The following DENND10 variants were observed in gnomAD, a reference collection of about 807,000 sequenced individuals.
DENND10 encodes DENN domain containing 10.
A neutral mutation model predicts 43.6 loss-of-function variants in DENND10; 24 were observed. The observed-to-expected ratio is 0.55, with a 90% CI of 0.40 to 0.77. The LOEUF (loss-of-function observed/expected upper bound fraction) is 0.77. DENND10 is among the 30% of genes least tolerant of loss of function. The probability of loss-of-function intolerance (pLI) is 0.00; values close to 1 mark genes in which losing one functional copy is unlikely to be tolerated. For synonymous variants in DENND10, 125 were observed against 157.6 expected (o/e 0.79, Z 1.55); for missense variants, 303 against 429.9 (o/e 0.70, Z 2.61).
intron 3 of DENND10, chr10:119,114,088 G>A (rs767189660): frequency 6.6e-6 from 1 of 152,192 alleles, no homozygotes; most frequent in African/African-American, 2.4e-5. Context: ...CCCAGAAGGA[G>A]GCCCAGAGGG....
chr10:119,121,628 T>C (rs1394159343), intron 5 of DENND10, among the ~76,000 whole-genome samples: 3 of 151,622 alleles, frequency 2.0e-5, no homozygotes, highest in Non-Finnish European at 4.4e-5. Flanking sequence ...CTAATTTTTG[T>C]ATTTTTAGTA....
chr10:119,123,690 A>T lies in DENND10; in HGVS notation c.694+121A>T. Reference sequence around the variant, plus strand: ...AATGGCACGATCTTAGCTCACCGCAACGTCCGCCTTCAATTCTCCTGCCTT... The same window carrying T: ...AATGGCACGATCTTAGCTCACCGCATCGTCCGCCTTCAATTCTCCTGCCTT... On this transcript the variant is annotated intron_variant, in intron 6 of 8. Coordinates refer to ENST00000361432, the MANE Select transcript of DENND10 (RefSeq NM_207009.4). The T allele has an allele frequency of 8.2e-6, 6 of 735,072 alleles. 1 individual carries two copies. In the South Asian group the frequency reaches 8.3e-5, roughly 10 times the overall value. The allele number at this position is 735,072 out of a possible 1,614,324, so 45.5% of individuals were successfully genotyped here. A position where few individuals can be genotyped will look rare whatever the true frequency, so the allele number is the denominator to read the frequency against.
intron 6 of DENND10, among the ~76,000 whole-genome samples, chr10:119,126,070 C>T (rs897616148): frequency 7.2e-5 from 11 of 152,104 alleles, no homozygotes; most frequent in African/African-American, 2.2e-4. Flanking sequence ...TCTTTCTGTC[C>T]GTGGCTTCTT....
rs1845353757 is a variant in DENND10, at chr10:119,117,620, G to A, written c.434G>A (p.Ser145Asn). The change falls in exon 4 of 9, where the codon AGT becomes AAT. Residue 145 changes from serine (S) to asparagine (N), a missense_variant. By Grantham distance (46) the Ser-to-Asn change is conservative. Coordinates refer to ENST00000361432, the MANE Select transcript of DENND10 (RefSeq NM_207009.4). ...CQSEENGSFLSKDFDARKAYL... is the reference protein window; with the variant it reads ...CQSEENGSFLNKDFDARKAYL... ...AGTGAAGAAAACGGCTCTTTCCTTA[G>A]TAAGGATTTTGATGCCCGAAAGGCC... The A allele has an allele frequency of 6.2e-7, 1 of 1,613,962 alleles. No individual in the cohort carries two copies. Among genetic ancestry groups the A allele is most frequent in the African/African-American group, 1.3e-5 (1 of 74,910 alleles).
At chr10:119,135,791 T>TAAAAAAAAAGAAAAAAAAAAAAAA (rs1554883519) in intron 8 of DENND10, among the ~76,000 whole-genome samples, 1 of 64,008 alleles carries the variant, frequency 1.6e-5, no homozygotes, top group Non-Finnish European at 2.8e-5. Context: ...ACTAAAATTG[T>TAAAAAAAAAGAAAAAAAAAAAAAA]AAAAAAAAAA....
At chr10:119,110,576 C>T (rs1236674079) in intron 2 of DENND10, among the ~76,000 whole-genome samples, 1 of 152,110 alleles carries the variant, frequency 6.6e-6, no homozygotes, top group Non-Finnish European at 1.5e-5. Context: ...CCTGCCTCAG[C>T]CTCCCGAGTA....
intron 1 of DENND10, among the ~76,000 whole-genome samples, chr10:119,106,373 C>A (rs755927240): frequency 6.6e-6 from 1 of 152,116 alleles, no homozygotes; most frequent in Non-Finnish European, 1.5e-5. Context: ...GAGACAGGGT[C>A]TCTCTCTGTT....
chr10:119,105,566 C>T (rs1844653500), intron 1 of DENND10: 3 of 1,076,714 alleles, frequency 2.8e-6, no homozygotes, highest in Non-Finnish European at 3.5e-6. Flanking sequence ...AACTTAGTTT[C>T]TCCAGAAGGT....
intron 7 of DENND10, among the ~76,000 whole-genome samples, chr10:119,131,920 G>C (rs903207557): frequency 4.6e-5 from 7 of 152,192 alleles, no homozygotes; most frequent in Non-Finnish European, 7.3e-5. Flanking sequence ...CTATAAAAAT[G>C]GGCTCATCCT....
Position 119,105,521 on chromosome 10 carries a change from GT to G in DENND10, c.55+1325del, listed in dbSNP as rs1311781738. 4.3e-6 allele frequency: 5 copies of G among 1,166,890 alleles called. No homozygotes were observed. The African/African-American group carries it at 8.1e-5, about 19-fold the overall frequency. 72.3% of individuals were successfully genotyped at this position (1,166,890 alleles called of 1,614,324 possible). A position where few individuals can be genotyped will look rare whatever the true frequency, so the allele number is the denominator to read the frequency against. ...GTGGATTACTGTATTTATTTCTAAT[GT>G]GATTTTCAAACTGCTTCAAAACAAA... On this transcript the variant is annotated intron_variant, in intron 1 of 8. Transcript: ENST00000361432.
chr10:119,116,293 G>A (rs1357163420), intron 3 of DENND10, among the ~76,000 whole-genome samples: 4 of 152,118 alleles, frequency 2.6e-5, no homozygotes, highest in African/African-American at 9.7e-5. Context: ...AATGTCTAAT[G>A]TGCATTTATC....
intron 6 of DENND10, among the ~76,000 whole-genome samples, chr10:119,125,501 C>CTTTTTTTTTTTTTTTTTTTT (rs34630434): frequency 1.5e-5 from 1 of 65,848 alleles, no homozygotes; most frequent in Non-Finnish European, 2.8e-5. Context: ...TTCTAGTTTT[C>CTTTTTTTTTTTTTTTTTTTT]TTTTTTTTTT....
chr10:119,124,404 G>A (rs959503446), intron 6 of DENND10, among the ~76,000 whole-genome samples: 1 of 149,526 alleles, frequency 6.7e-6, no homozygotes, highest in Non-Finnish European at 1.5e-5. Context: ...AGCCGGGTGT[G>A]GTGGTGGGTG....
Position 119,117,740 on chromosome 10 carries a change from G to A in DENND10, c.481+73G>A, listed in dbSNP as rs1845363156. On this transcript the variant is annotated intron_variant, in intron 4 of 8. Transcript: ENST00000361432. ...CCCAACACTTTGGGAGGCCAAGGCGGGTGGATCACGAGGTCAGGAGATCGA... is the reference window on the plus strand; with the variant it reads ...CCCAACACTTTGGGAGGCCAAGGCGAGTGGATCACGAGGTCAGGAGATCGA... 9 of 1,437,328 alleles carry A rather than the reference G, an allele frequency of 6.3e-6. No individual in the cohort carries two copies. In the South Asian group the frequency reaches 8.5e-5, roughly 14 times the overall value. The allele number at this position is 1,437,328 out of a possible 1,614,324, so 89.0% of individuals were successfully genotyped here. A position where few individuals can be genotyped will look rare whatever the true frequency, so the allele number is the denominator to read the frequency against.
chr10:119,108,173 G>T lies in DENND10; in HGVS notation c.252+9G>T. On this transcript the variant is annotated intron_variant, in intron 2 of 8. Coordinates refer to ENST00000361432, the MANE Select transcript of DENND10 (RefSeq NM_207009.4). ...CTTCCATTTTGAAAAAGGTATGATT[G>T]CGTGAAGGTAAAAAAAAAACCCCAA... 8.2e-6 allele frequency: 13 copies of T among 1,593,066 alleles called. No individual in the cohort carries two copies. Among genetic ancestry groups the T allele is most frequent in the Non-Finnish European group, 1.1e-5 (13 of 1,164,998 alleles).
At chr10:119,110,648 G>C (rs1844931975) in intron 2 of DENND10, among the ~76,000 whole-genome samples, 1 of 151,902 alleles carries the variant, frequency 6.6e-6, no homozygotes, top group Non-Finnish European at 1.5e-5. Flanking sequence ...GTTGAGACAG[G>C]GTTTCACCAT....
At chr10:119,113,215 G>A (rs1158631039) in intron 3 of DENND10, among the ~76,000 whole-genome samples, 10 of 148,876 alleles carry the variant, frequency 6.7e-5, no homozygotes, top group Admixed American at 3.4e-4. Flanking sequence ...TTAGCGACAC[G>A]GTCTTGCTCT....
At chr10:119,131,061 T>C (rs1196602903) in intron 7 of DENND10, among the ~76,000 whole-genome samples, 1 of 152,256 alleles carries the variant, frequency 6.6e-6, no homozygotes, top group Non-Finnish European at 1.5e-5. Flanking sequence ...GAAAATCTTT[T>C]TGAAGCATGT....
At position 119,109,638 on chromosome 10, in the gene DENND10, A is replaced by C. The variant is rs1001665259; in HGVS notation, c.252+1474A>C. ...AAGAAGATACTTTTTTTTTTTTTTT[A>C]CGGGAGTTTTGCTCTTGTTGCCCGG... On this transcript the variant is annotated intron_variant, in intron 2 of 8. Coordinates refer to ENST00000361432, the MANE Select transcript of DENND10 (RefSeq NM_207009.4). Among the ~76,000 whole-genome samples the C allele has an allele frequency of 1.2e-4, 18 of 148,136 alleles. No homozygotes were observed. In the South Asian group the frequency reaches 2.7e-3, roughly 23 times the overall value.
Sources: allele counts gnomAD v4.1 joint callset (sites outside exome capture counted in the v4.1 genomes callset), GRCh38; gene constraint gnomAD v4.1.1; transcripts MANE v1.5; gene names NCBI Gene and HGNC (gene_info 2026-07-23, HGNC 2026-07-21).